TM6SF1: variants seen among roughly 807,000 people sequenced by gnomAD.
TM6SF1 encodes the protein transmembrane 6 superfamily member 1.
A neutral mutation model predicts 47.1 loss-of-function variants in TM6SF1; 43 were observed. That is an observed-to-expected ratio of 0.91 (90% confidence interval 0.72 to 1.18). TM6SF1 has a LOEUF of 1.18. Among genes scored for constraint, TM6SF1 ranks in the 50% most tolerant of loss-of-function variants. TM6SF1 has a pLI of 0.00. For missense variants in TM6SF1, 390 were observed against 449.0 expected, an observed-to-expected ratio of 0.87 and a Z score of 1.19; for synonymous variants, 177 against 166.3, an observed-to-expected ratio of 1.06 and a Z score of -0.49.
chr15:83,124,276 A>G (rs977536163), intron 6 of TM6SF1, among the ~76,000 whole-genome samples: 4 of 152,164 alleles, frequency 2.6e-5, no homozygotes, highest in African/African-American at 7.2e-5. Context: ...ATGTAGATAT[A>G]TGTGTGTGTA....
intron 9 of TM6SF1, chr15:83,129,135 CAGTT>C (rs1339768032): frequency 6.6e-5 from 10 of 152,286 alleles, no homozygotes; most frequent in African/African-American, 2.4e-4. Flanking sequence ...CAACCAGGTC[CAGTT>C]AGTTTTACTC....
chr15:83,120,896 T>C (rs1426098058), intron 4 of TM6SF1, among the ~76,000 whole-genome samples: 1 of 151,012 alleles, frequency 6.6e-6, no homozygotes, highest in Non-Finnish European at 1.5e-5. Context: ...CTCCTGCTTA[T>C]AATCCCAGTC....
chr15:83,115,905 G>T lies in TM6SF1; in HGVS notation c.257G>T (p.Gly86Val). 4.3e-6 allele frequency: 7 copies of T among 1,614,154 alleles called. No homozygotes were observed. Among genetic ancestry groups the T allele is most frequent in the Non-Finnish European group, 5.9e-6 (7 of 1,180,008 alleles). ...CTCATCATAGGACTGGAGCAAGATG[G>T]AATCATTGACGGGTTCATGACACAC... ...VNLIIGLEQD[G>V]IIDGFMTHYL... Residue 86 changes from glycine (G) to valine (V), a missense_variant, in exon 3 of 10, where the codon GGA (glycine) becomes GTA (valine). By Grantham distance (109) the Gly-to-Val change is moderately radical. Transcript: ENST00000322019.
Position 83,124,895 on chromosome 15 carries a change from A to G in TM6SF1, c.708+119A>G, listed in dbSNP as rs1172601638. 9.3e-6 allele frequency: 8 copies of G among 861,042 alleles called. No homozygotes were observed. In the Admixed American group the frequency reaches 1.9e-4, roughly 20 times the overall value. The allele number at this position is 861,042 out of a possible 1,614,324, so 53.3% of individuals were successfully genotyped here. A position where few individuals can be genotyped will look rare whatever the true frequency, so the allele number is the denominator to read the frequency against. ...AGACTTCTTAGCAAACTAACAAACC[A>G]TTCCTCCCATCAAAGCCTGGAGCCC... On this transcript the variant is annotated intron_variant, in intron 7 of 9. Transcript: ENST00000322019.
chr15:83,113,183 G>A (rs868309440), intron 2 of TM6SF1: 26 of 492,928 alleles, frequency 5.3e-5, no homozygotes, highest in African/African-American at 3.3e-4. Flanking sequence ...CTCTGACCTC[G>A]ACTCTCATGC....
intron 9 of TM6SF1, 70 bp from the exon 10 acceptor site, chr15:83,136,411 T>A (rs923609348): frequency 7.1e-7 from 1 of 1,405,632 alleles, no homozygotes; most frequent in Non-Finnish European, 9.6e-7. Flanking sequence ...AATGAACCAT[T>A]CAGAACTCAT....
chr15:83,124,824 T>C (rs1321278773), intron 7 of TM6SF1, 48 bp downstream of exon 7: 1 of 1,423,970 alleles, frequency 7.0e-7, no homozygotes, highest in Non-Finnish European at 9.8e-7. Flanking sequence ...ACTACTCACA[T>C]TTCCAAATGG....
chr15:83,111,592 T>G, intron 1 of TM6SF1: 3 of 985,168 alleles, frequency 3.0e-6, no homozygotes, highest in Non-Finnish European at 3.6e-6. Flanking sequence ...GTGATAGTTA[T>G]CCAAAGGTCC....
At chr15:83,126,900 A>C in intron 8 of TM6SF1, 53 bp downstream of exon 8, 1 of 1,472,248 alleles carries the variant, frequency 6.8e-7, no homozygotes, top group Non-Finnish European at 9.4e-7. Flanking sequence ...TCTTTTTAAA[A>C]AATGGGTCCC....
At chr15:83,123,308 A>G (rs926945519) in intron 6 of TM6SF1, among the ~76,000 whole-genome samples, 1 of 152,178 alleles carries the variant, frequency 6.6e-6, no homozygotes, top group Non-Finnish European at 1.5e-5. Flanking sequence ...CTACACAGCC[A>G]TACAATCTTG....
At chr15:83,127,672 G>GTGCCC (rs2035888761) in intron 9 of TM6SF1, 195 bp downstream of exon 9, 1 of 519,198 alleles carries the variant, frequency 1.9e-6, no homozygotes, top group South Asian at 2.3e-5. Context: ...TATGGTAGAT[G>GTGCCC]TGCCATCCAG....
chr15:83,123,594 T>G (rs2035463931), intron 6 of TM6SF1, among the ~76,000 whole-genome samples: 1 of 152,252 alleles, frequency 6.6e-6, no homozygotes, highest in African/African-American at 2.4e-5. Flanking sequence ...TCAGTATAAT[T>G]CATTAAAATA....
chr15:83,107,954 G>A lies in TM6SF1; in HGVS notation c.92+182G>A. 8.3e-7 allele frequency: 1 copy of A among 1,210,192 alleles called. No individual in the cohort carries two copies. Among genetic ancestry groups the A allele is most frequent in the Non-Finnish European group, 1.1e-6 (1 of 947,474 alleles). The allele number at this position is 1,210,192 out of a possible 1,614,324, so 75.0% of individuals were successfully genotyped here. A position where few individuals can be genotyped will look rare whatever the true frequency, so the allele number is the denominator to read the frequency against. On this transcript the variant is annotated intron_variant, in intron 1 of 9. Coordinates refer to ENST00000322019, the MANE Select transcript of TM6SF1 (RefSeq NM_023003.5). The surrounding 1 kb of genome is among the most constrained non-coding windows in gnomAD (Gnocchi z 5.6). Reference sequence around the variant, plus strand: ...GGGCGCCCCAGGGGTCGCACGGGCCGGGTCTTGGAGCCGGGCCCTGAGGTG... The same window carrying A: ...GGGCGCCCCAGGGGTCGCACGGGCCAGGTCTTGGAGCCGGGCCCTGAGGTG...
chr15:83,126,064 C>T (rs552704394), intron 7 of TM6SF1, among the ~76,000 whole-genome samples: 2 of 152,246 alleles, frequency 1.3e-5, no homozygotes, highest in South Asian at 2.1e-4. Flanking sequence ...TCCCTGTGCA[C>T]GAGAAAAATG....
At position 83,112,847 on chromosome 15, in the gene TM6SF1, T is replaced by G. The variant is rs79470022; in HGVS notation, c.143T>G (p.Leu48Arg). The change falls in exon 2 of 10, where the codon CTG (leucine) becomes CGG (arginine). Residue 48 changes from leucine to arginine, a missense_variant. Physicochemically the swap from Leu to Arg is moderately radical, Grantham distance 102. Coordinates refer to ENST00000322019, the MANE Select transcript of TM6SF1 (RefSeq NM_023003.5). ...GCCCTCATCCTGTTCCTGGTAGCACTGCTGGCTCGTGTCCTCGTCAAAAGA... is the reference window on the plus strand; with the variant it reads ...GCCCTCATCCTGTTCCTGGTAGCACGGCTGGCTCGTGTCCTCGTCAAAAGA... ...VAALILFLVA[L>R]LARVLVKRKP... is the part of the protein sequence containing the mutation. 94,878 of 1,613,748 alleles carry G rather than the reference T, an allele frequency of 0.059. 3,215 individuals are homozygous for G. The highest frequency in any genetic ancestry group is 0.068 in the Non-Finnish European group (80,796 of 1,179,606).
At chr15:83,118,566 A>G (rs1352480268) in intron 3 of TM6SF1, among the ~76,000 whole-genome samples, 1 of 152,120 alleles carries the variant, frequency 6.6e-6, no homozygotes, top group African/African-American at 2.4e-5. Context: ...CTCTGATTTT[A>G]ATTTGATTTG....
chr15:83,117,892 T>C (rs1485830170), intron 3 of TM6SF1, among the ~76,000 whole-genome samples: 1 of 152,056 alleles, frequency 6.6e-6, no homozygotes, highest in African/African-American at 2.4e-5. Context: ...ATAGCTGTGG[T>C]CCAGTGAGGG....
At chr15:83,108,384 G>A (rs2033861649) in intron 1 of TM6SF1, among the ~76,000 whole-genome samples, 1 of 151,370 alleles carries the variant, frequency 6.6e-6, no homozygotes, top group Non-Finnish European at 1.5e-5. Context: ...GCGTCCTATT[G>A]TAAGGTTCCA....
chr15:83,134,379 C>T, intron 9 of TM6SF1: 1 of 151,528 alleles, frequency 6.6e-6, no homozygotes, highest in East Asian at 1.9e-4. Flanking sequence ...TGCCACCACG[C>T]CCGGCTAATT....
Sources: gnomAD v4.1 joint callset for allele counts (sites outside exome capture counted in the v4.1 genomes callset) on GRCh38, gnomAD v4.1.1 for gene constraint, Gnocchi (gnomAD v3.1) non-coding constraint, MANE v1.5 for transcripts, NCBI Gene and HGNC (gene_info 2026-07-23, HGNC 2026-07-21) for gene names.